SEC63: variants seen among roughly 807,000 people sequenced by gnomAD.
SEC63 encodes the protein SEC63 protein translocation regulator, also known as translocation protein SEC63 homolog.
A neutral mutation model predicts 116.2 loss-of-function variants in SEC63; 56 were observed. That is an observed-to-expected ratio of 0.48 (90% CI 0.39 to 0.60). The LOEUF (loss-of-function observed/expected upper bound fraction) is 0.60. Ranked by LOEUF, SEC63 falls within the 20% of genes least tolerant of loss-of-function variation. SEC63 has a pLI of 0.00. For synonymous variants in SEC63, 273 were observed against 294.6 expected (o/e 0.93, Z 0.75); for missense variants, 668 against 900.0 (o/e 0.74, Z 3.30).
At chr6:107,876,469 A>C in intron 19 of SEC63, 95 bp downstream of exon 19, 1 of 821,296 alleles carries the variant, frequency 1.2e-6, no homozygotes, top group Non-Finnish European at 2.1e-6. Flanking sequence ...AATATGCTAA[A>C]TATGATAAAC....
chr6:107,932,645 G>A (rs1328008993), intron 1 of SEC63, among the ~76,000 whole-genome samples: 2 of 152,214 alleles, frequency 1.3e-5, no homozygotes, highest in African/African-American at 4.8e-5. Flanking sequence ...ACCCTGTACT[G>A]TTGGACTGGA....
intron 11 of SEC63, 91 bp downstream of exon 11, chr6:107,904,538 T>A: frequency 2.1e-6 from 2 of 957,588 alleles, no homozygotes; most frequent in Admixed American, 1.7e-5. Flanking sequence ...CCGACAGAAG[T>A]CTGAGTACCC....
rs374928627 is a variant in SEC63, at chr6:107,893,672, G to A, written c.1501-17C>T. ...TTCACCCTGCTGTGAATCATAACAC[G>A]TCACACTCTTAAGTTATAGCAACAG... On this transcript the variant is annotated splice_polypyrimidine_tract_variant and intron_variant, in intron 15 of 20. Transcript: ENST00000369002. 27 of 1,613,216 alleles carry A rather than the reference G, an allele frequency of 1.7e-5. 1 individual carries two copies. Among genetic ancestry groups the A allele is most frequent in the African/African-American group, 1.6e-4 (12 of 74,764 alleles).
intron 2 of SEC63, 129 bp downstream of exon 2, chr6:107,929,286 T>C: frequency 1.6e-6 from 1 of 620,750 alleles, no homozygotes; most frequent in Non-Finnish European, 2.9e-6. Flanking sequence ...TTTTCTCCTA[T>C]CTTACCCTTA....
intron 16 of SEC63, among the ~76,000 whole-genome samples, chr6:107,891,385 G>A (rs571099721): frequency 2.4e-4 from 36 of 151,766 alleles, no homozygotes; most frequent in African/African-American, 7.0e-4. Context: ...TATGCTTCAC[G>A]AAGTTCTCGT....
intron 16 of SEC63, among the ~76,000 whole-genome samples, chr6:107,890,683 G>C (rs930530520): frequency 6.6e-6 from 1 of 152,086 alleles, no homozygotes; most frequent in Non-Finnish European, 1.5e-5. Flanking sequence ...TTACAATTTG[G>C]TATGTTTTTG....
At chr6:107,930,113 A>G (rs187304978) in intron 1 of SEC63, 1 of 152,324 alleles carries the variant, frequency 6.6e-6, no homozygotes, top group African/African-American at 2.4e-5. Context: ...AAACCGGAGC[A>G]ATACAGAGAA....
At chr6:107,934,307 G>A (rs1371571169) in intron 1 of SEC63, among the ~76,000 whole-genome samples, 9 of 151,214 alleles carry the variant, frequency 6.0e-5, no homozygotes, top group African/African-American at 2.2e-4. Flanking sequence ...ATCCCATCTA[G>A]GAAGTGAGGA....
intron 19 of SEC63, among the ~76,000 whole-genome samples, 167 bp from the exon 20 acceptor site, chr6:107,873,079 G>A (rs923622006): frequency 1.3e-5 from 2 of 152,022 alleles, no homozygotes; most frequent in Admixed American, 6.6e-5. Flanking sequence ...AAAAAAAAGC[G>A]AAATGTATGT....
Position 107,945,920 on chromosome 6 carries a change from T to TTTTG in SEC63, c.124+11962_124+11965dup, listed in dbSNP as rs533616641. On this transcript the variant is annotated intron_variant, in intron 1 of 20. Transcript: ENST00000369002. ...TAATGCAGGCGGTTTTTTTCCTGTATTTTGTTTGTTTGTTTATTTATTTAT... is the reference window on the plus strand; with the variant it reads ...TAATGCAGGCGGTTTTTTTCCTGTATTTTGTTTGTTTGTTTGTTTATTTATTTAT... Among the ~76,000 whole-genome samples, 153 of 151,976 alleles carry TTTTG rather than the reference T, an allele frequency of 1.0e-3. 4 individuals are homozygous for TTTTG. The East Asian group carries it at 0.027, about 27-fold the overall frequency.
Position 107,906,665 on chromosome 6 carries a change from T to A in SEC63, c.828+18A>T. 6.2e-7 allele frequency: 1 copy of A among 1,610,282 alleles called. No homozygotes were observed. Among genetic ancestry groups the A allele is most frequent in the South Asian group, 1.1e-5 (1 of 91,014 alleles). ...AATACTTAACTGCTCATCGGGGGATTTGGGAAATTAGCCTAACCTGTGGTA... is the reference window on the plus strand; with the variant it reads ...AATACTTAACTGCTCATCGGGGGATATGGGAAATTAGCCTAACCTGTGGTA... On this transcript the variant is annotated intron_variant, in intron 9 of 20. Coordinates refer to ENST00000369002, the MANE Select transcript of SEC63 (RefSeq NM_007214.5).
chr6:107,911,494 A>G, intron 6 of SEC63, 98 bp from the exon 7 acceptor site: 1 of 798,260 alleles, frequency 1.3e-6, no homozygotes, highest in South Asian at 1.4e-5. Context: ...AGCCACTATT[A>G]AAAGGATTCC....
chr6:107,916,303 G>A (rs1365506034), intron 4 of SEC63, among the ~76,000 whole-genome samples: 1 of 152,190 alleles, frequency 6.6e-6, no homozygotes, highest in Non-Finnish European at 1.5e-5. Context: ...TAACCTCAAG[G>A]ACAACTGCTA....
chr6:107,904,634 C>T lies in SEC63; in HGVS notation c.1049G>A (p.Arg350His), dbSNP rs760557086. The T allele has an allele frequency of 1.2e-5, 19 of 1,606,772 alleles. No individual in the cohort carries two copies. The highest frequency in any genetic ancestry group is 1.0e-4 in the Admixed American group (6 of 59,996). ...TAACTATATTTCCTCCTCACCTTCA[C>T]GGTTCCGGGCCATTACTATTAGTTG... ...ICQLIVMARN[R>H]EEREFRAPTL... The change falls in exon 11 of 21, where the codon CGT becomes CAT. Residue 350 changes from arginine (R) to histidine (H), a missense_variant. Transcript: ENST00000369002.
chr6:107,928,902 A>C (rs371595682), intron 2 of SEC63, among the ~76,000 whole-genome samples: 4 of 152,370 alleles, frequency 2.6e-5, no homozygotes, highest in South Asian at 4.1e-4. Context: ...TTCTAACTAC[A>C]TGACTTTGGT....
At chr6:107,894,538 T>C (rs898414975) in intron 14 of SEC63, among the ~76,000 whole-genome samples, 1 of 151,820 alleles carries the variant, frequency 6.6e-6, no homozygotes, top group Admixed American at 6.6e-5. Context: ...AAAATCTACA[T>C]ATCCTAAAGC....
intron 1 of SEC63, among the ~76,000 whole-genome samples, chr6:107,951,210 T>C (rs1315563219): frequency 9.9e-5 from 15 of 152,182 alleles, no homozygotes; most frequent in African/African-American, 3.6e-4. Flanking sequence ...ATGGGTAGTG[T>C]TAAGGTAATT....
intron 19 of SEC63, among the ~76,000 whole-genome samples, chr6:107,874,512 C>T (rs879437473): frequency 1.6e-4 from 24 of 147,276 alleles, no homozygotes; most frequent in South Asian, 1.1e-3. Context: ...AGGAGAATGG[C>T]GTGAACCCGG....
intron 7 of SEC63, among the ~76,000 whole-genome samples, chr6:107,910,938 T>C (rs1787269834): frequency 6.6e-6 from 1 of 152,114 alleles, no homozygotes; most frequent in Non-Finnish European, 1.5e-5. Flanking sequence ...CTCAAACTCC[T>C]GCCCTAAATT....
Sources: allele counts gnomAD v4.1 joint callset (sites outside exome capture counted in the v4.1 genomes callset), GRCh38; gene constraint gnomAD v4.1.1; transcripts MANE v1.5; gene names NCBI Gene and HGNC (gene_info 2026-07-23, HGNC 2026-07-21).